The following WDR25 variants were observed in gnomAD, a reference collection of about 807,000 sequenced individuals.
WDR25 encodes the protein WD repeat domain 25.
A neutral mutation model predicts 47.7 loss-of-function variants in WDR25; 35 were observed. The observed-to-expected ratio is 0.73, with a 90% CI of 0.56 to 0.97. The LOEUF (loss-of-function observed/expected upper bound fraction) is 0.97, where lower values mean the gene tolerates loss of function less well. WDR25 is among the 50% of genes least tolerant of loss of function. The probability of loss-of-function intolerance (pLI) is 0.00; values close to 1 mark genes in which losing one functional copy is unlikely to be tolerated. For missense variants in WDR25, 634 were observed against 704.7 expected, an observed-to-expected ratio of 0.90 and a Z score of 1.14; for synonymous variants, 248 against 278.9, an observed-to-expected ratio of 0.89 and a Z score of 1.10.
intron 2 of WDR25, among the ~76,000 whole-genome samples, chr14:100,448,434 C>A (rs1027763799): frequency 1.3e-5 from 2 of 152,072 alleles, no homozygotes; most frequent in African/African-American, 2.4e-5. Flanking sequence ...GACACCTGGG[C>A]CCCAGGTGAG....
intron 4 of WDR25, among the ~76,000 whole-genome samples, chr14:100,518,204 G>A (rs1901572635): frequency 6.6e-6 from 1 of 152,054 alleles, no homozygotes; most frequent in Non-Finnish European, 1.5e-5. Flanking sequence ...TTCTTCATTT[G>A]TAAAGGCCTT....
At chr14:100,518,405 T>C (rs1901580544) in intron 4 of WDR25, among the ~76,000 whole-genome samples, 1 of 152,190 alleles carries the variant, frequency 6.6e-6, no homozygotes, top group African/African-American at 2.4e-5. Context: ...GTCAAGGTTT[T>C]TTCTTTGAGG....
rs1478620382 is a variant in WDR25, at chr14:100,529,537, G to T, written c.1414-283G>T. ...CCTCACTGAGGCCAAGCCTTGCTGG[G>T]GTGGAAGGGGCTGGGTGCTTAGTGA... On this transcript the variant is annotated intron_variant, in intron 6 of 6. Coordinates refer to ENST00000402312, the MANE Select transcript of WDR25 (RefSeq NM_001161476.3). This position sits in a 1 kb window ranked among gnomAD's most constrained non-coding sequence, Gnocchi z 5.1. 46 of 590,820 alleles carry T rather than the reference G, an allele frequency of 7.8e-5. No individual in the cohort carries two copies. In the South Asian group the frequency reaches 8.0e-4, roughly 10 times the overall value. The allele number at this position is 590,820 out of a possible 1,614,324, so 36.6% of individuals were successfully genotyped here.
chr14:100,529,070 G>A lies in WDR25; in HGVS notation c.1275G>A (p.Glu425=), dbSNP rs1400225995. 2.6e-6 allele frequency: 4 copies of A among 1,544,558 alleles called. No individual in the cohort carries two copies. The highest frequency in any genetic ancestry group is 1.8e-5 in the Admixed American group (1 of 54,490). ...ATTTGTGGCTCTGCTGTTCTCAGGAGAGGTTCACCTGCCCCAGCCTCGCCT... is the reference window on the plus strand; with the variant it reads ...ATTTGTGGCTCTGCTGTTCTCAGGAAAGGTTCACCTGCCCCAGCCTCGCCT... The part of the protein sequence containing the change: ...SAKISNQIFH[E]RFTCPSLALH... Residue 425 remains glutamate (E), a splice_region_variant and synonymous_variant, in exon 6 of 7, where the codon GAG becomes GAA. Coordinates refer to ENST00000402312, the MANE Select transcript of WDR25 (RefSeq NM_001161476.3). The surrounding 1 kb of genome is among the most constrained non-coding windows in gnomAD (Gnocchi z 5.1).
intron 2 of WDR25, among the ~76,000 whole-genome samples, chr14:100,433,897 G>A (rs1209572894): frequency 6.6e-6 from 1 of 152,108 alleles, no homozygotes; most frequent in Non-Finnish European, 1.5e-5. Flanking sequence ...TCTCCAAGGA[G>A]CTCTGGTTCC....
rs1423426713 is a variant in WDR25, at chr14:100,425,222, C to T, written c.823-42799C>T. On this transcript the variant is annotated intron_variant, in intron 2 of 6. Transcript: ENST00000402312. The surrounding 1 kb of genome is among the most constrained non-coding windows in gnomAD (Gnocchi z 4.8). ...GATGTGGGTCCTGGGTCCTTGGAGG[C>T]TGGTTGTGTCAGCCCTTCTCCATCC... is the stretch of plus-strand genomic sequence containing the variant. Among the ~76,000 whole-genome samples the T allele has an allele frequency of 6.6e-6, 1 of 152,230 alleles. No individual in the cohort carries two copies. The highest frequency in any genetic ancestry group is 2.4e-5 in the African/African-American group (1 of 41,464).
At chr14:100,413,187 T>G (rs575594459) in intron 2 of WDR25, among the ~76,000 whole-genome samples, 31 of 152,178 alleles carry the variant, frequency 2.0e-4, no homozygotes, top group Non-Finnish European at 2.8e-4. Context: ...AACTTAACAA[T>G]AAAATGCAGC....
intron 2 of WDR25, among the ~76,000 whole-genome samples, chr14:100,466,907 G>A (rs1304539538): frequency 6.6e-6 from 1 of 152,192 alleles, no homozygotes; most frequent in Non-Finnish European, 1.5e-5. Flanking sequence ...AGTTCCCCTG[G>A]GCTGCACGGT....
At chr14:100,451,952 A>G (rs1566916266) in intron 2 of WDR25, among the ~76,000 whole-genome samples, 1 of 152,228 alleles carries the variant, frequency 6.6e-6, no homozygotes, top group Non-Finnish European at 1.5e-5. Context: ...ACCCAAAGCT[A>G]GGATAGCCAT....
chr14:100,414,449 A>C (rs1897809936), intron 2 of WDR25, among the ~76,000 whole-genome samples: 1 of 149,518 alleles, frequency 6.7e-6, no homozygotes, highest in African/African-American at 2.5e-5. Context: ...AGTAGCTGGG[A>C]TTATAGACGT....
At chr14:100,408,738 G>T (rs538243551) in intron 2 of WDR25, among the ~76,000 whole-genome samples, 1 of 152,284 alleles carries the variant, frequency 6.6e-6, no homozygotes, top group East Asian at 1.9e-4. Flanking sequence ...AGTATATGAC[G>T]CCAGAAGAGT....
intron 5 of WDR25, among the ~76,000 whole-genome samples, chr14:100,527,014 C>T (rs2030202210): frequency 4.4e-4 from 1 of 2,298 alleles, no homozygotes; most frequent in African/African-American, 3.1e-3. Context: ...TCACCAGCAT[C>T]TTTATTGCTG....
chr14:100,435,188 T>C (rs1363195452), intron 2 of WDR25, among the ~76,000 whole-genome samples: 2 of 152,098 alleles, frequency 1.3e-5, no homozygotes, highest in African/African-American at 4.8e-5. Context: ...GTCCTAGAGG[T>C]TGAGGCCAGA....
intron 4 of WDR25, chr14:100,503,704 C>T (rs543139804): frequency 1.3e-3 from 204 of 152,400 alleles, no homozygotes; most frequent in Non-Finnish European, 2.6e-3. Flanking sequence ...GCCACCTCAG[C>T]CCCCGTCCCC....
chr14:100,506,246 C>CA lies in WDR25; in HGVS notation c.1102-19623dup, dbSNP rs1468812626. Among the ~76,000 whole-genome samples the CA allele has an allele frequency of 6.6e-6, 1 of 152,150 alleles. No individual in the cohort carries two copies. The highest frequency in any genetic ancestry group is 1.5e-5 in the Non-Finnish European group (1 of 68,016). On this transcript the variant is annotated intron_variant, in intron 4 of 6. Coordinates refer to ENST00000402312, the MANE Select transcript of WDR25 (RefSeq NM_001161476.3). The surrounding 1 kb of genome is among the most constrained non-coding windows in gnomAD (Gnocchi z 4.8). ...CGTGTTGCTGCAAAGGACATGATTT[C>CA]ATCCTTTTTTATGGCTGCATAGTAT...
At chr14:100,441,518 A>G (rs80267238) in intron 2 of WDR25, among the ~76,000 whole-genome samples, 1 of 151,894 alleles carries the variant, frequency 6.6e-6, no homozygotes, top group East Asian at 1.9e-4. Context: ...TGGGTCTTGG[A>G]GTGCCAGAGT....
rs1419711595 is a variant in WDR25 at position 100,407,210 on chromosome 14, A to G, written c.822+25464A>G. The G allele has an allele frequency of 2.0e-5, 3 of 152,220 alleles. No individual in the cohort carries two copies. The highest frequency in any genetic ancestry group is 7.2e-5 in the African/African-American group (3 of 41,438). 9.4% of individuals were successfully genotyped at this position (152,220 alleles called of 1,614,324 possible). A position where few individuals can be genotyped will look rare whatever the true frequency, so the allele number is the denominator to read the frequency against. The stretch of plus-strand genomic sequence containing the variant: ...CTCAGAGCTCAGACAGTTAATTTGC[A>G]TTGTGTCCTATATTCCTGAAAAGTT... On this transcript the variant is annotated intron_variant, in intron 2 of 6. Coordinates refer to ENST00000402312, the MANE Select transcript of WDR25 (RefSeq NM_001161476.3). The surrounding 1 kb of genome is among the most constrained non-coding windows in gnomAD (Gnocchi z 4.1).
chr14:100,475,899 T>TAA (rs1900000329), intron 3 of WDR25, among the ~76,000 whole-genome samples: 2 of 151,706 alleles, frequency 1.3e-5, no homozygotes, highest in African/African-American at 4.8e-5. Context: ...TATATATATA[T>TAA]AAAATTATTT....
At chr14:100,400,285 C>T (rs1264360796) in intron 2 of WDR25, among the ~76,000 whole-genome samples, 1 of 152,218 alleles carries the variant, frequency 6.6e-6, no homozygotes, top group Non-Finnish European at 1.5e-5. Context: ...GCCGTACAAC[C>T]CACATGGCTG....
Sources: gnomAD v4.1 joint callset for allele counts (sites outside exome capture counted in the v4.1 genomes callset) on GRCh38, gnomAD v4.1.1 for gene constraint, Gnocchi (gnomAD v3.1) non-coding constraint, MANE v1.5 for transcripts, NCBI Gene and HGNC (gene_info 2026-07-23, HGNC 2026-07-21) for gene names.